AOPEP: variants seen among roughly 807,000 people sequenced by gnomAD.
AOPEP encodes the protein aminopeptidase O.
In AOPEP, 77 loss-of-function variants were observed where a neutral mutation model predicts 98.1. The observed-to-expected ratio is 0.78, with a 90% CI of 0.65 to 0.95. AOPEP has a LOEUF of 0.95. Ranked by LOEUF, AOPEP falls within the 40% of genes least tolerant of loss-of-function variation. The pLI is 0.00. For missense variants in AOPEP, 1,024 were observed against 1,024.7 expected, an observed-to-expected ratio of 1.00 and a Z score of 0.01; for synonymous variants, 346 against 365.3, an observed-to-expected ratio of 0.95 and a Z score of 0.60.
chr9:94,811,183 T>A (rs1301546105), intron 5 of AOPEP, among the ~76,000 whole-genome samples: 2 of 152,224 alleles, frequency 1.3e-5, no homozygotes, highest in African/African-American at 4.8e-5. Context: ...GGGGAATGGA[T>A]GAAGACATTT....
chr9:94,907,123 G>T (rs568355324), intron 5 of AOPEP, among the ~76,000 whole-genome samples: 1 of 152,296 alleles, frequency 6.6e-6, no homozygotes, highest in South Asian at 2.1e-4. Flanking sequence ...CAATGAAAAA[G>T]AGAGGAAAGA....
intron 11 of AOPEP, among the ~76,000 whole-genome samples, chr9:94,994,417 T>C (rs915772187): frequency 2.0e-5 from 3 of 152,192 alleles, no homozygotes; most frequent in African/African-American, 7.2e-5. Flanking sequence ...GAAAAGGCTA[T>C]ATACTAAGTG....
chr9:94,943,936 A>AAAAC lies in AOPEP; in HGVS notation c.1662-11238_1662-11237insCAAA, dbSNP rs1564424112. Reference sequence around the variant, plus strand: ...CTCCATCTCAAAAAAAAAAAAAAAAAAAAAAAAAAAACAGGTCAATCTAAG... The same window carrying AAAAC: ...CTCCATCTCAAAAAAAAAAAAAAAAAAAACAAAAAAAAAAACAGGTCAATCTAAG... On this transcript the variant is annotated intron_variant, in intron 7 of 16. Transcript: ENST00000375315. 8.9e-5 allele frequency among the ~76,000 whole-genome samples: 13 copies of AAAAC among 145,534 alleles called. No homozygotes were observed. In the East Asian group the frequency reaches 1.2e-3, roughly 13 times the overall value.
the AOPEP span, chr9:95,111,277 G>A: frequency 7.1e-6 from 11 of 1,558,238 alleles, no homozygotes; most frequent in Non-Finnish European, 8.6e-6. Context: ...CCTCGGTGGG[G>A]ACAGGAGAAC....
chr9:94,830,224 T>C (rs1300477973), intron 5 of AOPEP, among the ~76,000 whole-genome samples: 2 of 152,210 alleles, frequency 1.3e-5, no homozygotes, highest in African/African-American at 4.8e-5. Flanking sequence ...CCAGTGTGTG[T>C]GGTTTCCCCA....
chr9:95,092,214 G>T, the AOPEP span, among the ~76,000 whole-genome samples: 1 of 152,196 alleles, frequency 6.6e-6, no homozygotes, highest in African/African-American at 2.4e-5. Context: ...TGCGGTGTTT[G>T]TTGAGATAAA....
chr9:94,821,970 A>AACACACACACACACACACACAC (rs34645632), intron 5 of AOPEP, among the ~76,000 whole-genome samples: 12 of 141,358 alleles, frequency 8.5e-5, no homozygotes, highest in Non-Finnish European at 1.2e-4. Context: ...TGTGTGTGTA[A>AACACACACACACACACACACAC]ACACACACAC....
intron 7 of AOPEP, among the ~76,000 whole-genome samples, chr9:94,951,715 A>C (rs2058108051): frequency 6.6e-6 from 1 of 152,250 alleles, no homozygotes; most frequent in African/African-American, 2.4e-5. Flanking sequence ...AGGCATCCCC[A>C]GGCTGGCCAG....
rs764698950 is a variant in AOPEP, at chr9:94,963,898, AG to A, written c.1873-3859del. On this transcript the variant is annotated intron_variant, in intron 9 of 16. Coordinates refer to ENST00000375315, the MANE Select transcript of AOPEP (RefSeq NM_001193329.3). ...TTCTTGTGCTGTAGAAAGTGGAAAA[AG>A]CTTCTGTCATAAGTCCACTTTAGAG... Among the ~76,000 whole-genome samples, 21 of 152,332 alleles carry A rather than the reference AG, an allele frequency of 1.4e-4. 1 individual carries two copies. The highest frequency in any genetic ancestry group is 6.8e-3 in the Middle Eastern group (2 of 294).
At position 94,792,785 on chromosome 9, in the gene AOPEP, T is replaced by A. The variant is rs773731901; in HGVS notation, c.985T>A (p.Tyr329Asn). 9 of 1,612,098 alleles carry A rather than the reference T, an allele frequency of 5.6e-6. No individual in the cohort carries two copies. In the Admixed American group the frequency reaches 1.2e-4, roughly 21 times the overall value. The change falls in exon 4 of 17, where the codon TAT becomes AAT. Residue 329 changes from tyrosine (Y) to asparagine (N), a missense_variant. Physicochemically the swap from Tyr to Asn is moderately radical, Grantham distance 143. Coordinates refer to ENST00000375315, the MANE Select transcript of AOPEP (RefSeq NM_001193329.3). The part of the protein sequence containing the change: ...LWEECSSWYY[Y>N]VTMPMPASTF... ...TACAGAGTGCTCAAGCTGGTATTAC[T>A]ATGTAACTATGCCAATGCCAGCCTC...
At chr9:95,146,414 G>C in the AOPEP span, among the ~76,000 whole-genome samples, 1 of 125,032 alleles carries the variant, frequency 8.0e-6, no homozygotes, top group Non-Finnish European at 1.6e-5. Context: ...CCTGAGCCTG[G>C]GAGTTTGAGA....
the AOPEP span, chr9:95,114,423 T>C: frequency 3.1e-6 from 2 of 655,476 alleles, no homozygotes; most frequent in Non-Finnish European, 5.6e-6. Context: ...CATGCATACA[T>C]GCGCATGCCT....
At chr9:95,072,612 G>A (rs1432693204) in intron 14 of AOPEP, among the ~76,000 whole-genome samples, 3 of 152,132 alleles carry the variant, frequency 2.0e-5, no homozygotes, top group Admixed American at 6.5e-5. Flanking sequence ...CAGACTGAGC[G>A]ACAGAGTGAG....
intron 3 of AOPEP, among the ~76,000 whole-genome samples, chr9:94,776,377 C>T (rs946322205): frequency 6.6e-6 from 1 of 152,218 alleles, no homozygotes; most frequent in Non-Finnish European, 1.5e-5. Context: ...TCTCGGCTCA[C>T]TGCAACCTCT....
chr9:94,803,444 A>G (rs1848605319), intron 5 of AOPEP, among the ~76,000 whole-genome samples: 1 of 152,220 alleles, frequency 6.6e-6, no homozygotes, highest in South Asian at 2.1e-4. Flanking sequence ...TTTAGATAAT[A>G]TAATGATTTC....
chr9:95,050,688 C>G (rs545905220), intron 13 of AOPEP, among the ~76,000 whole-genome samples: 1 of 152,184 alleles, frequency 6.6e-6, no homozygotes, highest in Non-Finnish European at 1.5e-5. Context: ...GCTTTGTCAA[C>G]TTGGTGGCAG....
the AOPEP span, among the ~76,000 whole-genome samples, chr9:95,142,079 G>C: frequency 7.7e-6 from 1 of 130,690 alleles, no homozygotes; most frequent in African/African-American, 2.9e-5. Flanking sequence ...TACAACCTCT[G>C]CCTCCCGGGT....
chr9:94,886,028 C>A (rs1369819653), intron 5 of AOPEP, among the ~76,000 whole-genome samples: 1 of 152,012 alleles, frequency 6.6e-6, no homozygotes, highest in Non-Finnish European at 1.5e-5. Flanking sequence ...GTTCAGTGGC[C>A]AGGATTAGTA....
At chr9:94,864,933 G>A (rs1042315851) in intron 5 of AOPEP, among the ~76,000 whole-genome samples, 13 of 152,108 alleles carry the variant, frequency 8.5e-5, no homozygotes, top group African/African-American at 2.9e-4. Flanking sequence ...AACACTCCAC[G>A]CTGATTTCTG....
Sources: gnomAD v4.1 joint callset for allele counts (sites outside exome capture counted in the v4.1 genomes callset) on GRCh38, gnomAD v4.1.1 for gene constraint, MANE v1.5 for transcripts, NCBI Gene and HGNC (gene_info 2026-07-23, HGNC 2026-07-21) for gene names.